The following GPC5 variants were observed in gnomAD, a reference collection of about 807,000 sequenced individuals.
The protein encoded by GPC5 is glypican 5.
Under a neutral mutation model 53.9 loss-of-function variants are expected in GPC5, and 47 were observed. The ratio of observed to expected loss-of-function variants is 0.87; its 90% CI spans 0.69 to 1.11. The LOEUF (loss-of-function observed/expected upper bound fraction) is 1.11, where lower values mean the gene tolerates loss of function less well. Among genes scored for constraint, GPC5 ranks in the 50% most tolerant of loss-of-function variants. The pLI is 0.00. For missense variants in GPC5, 748 were observed against 713.1 expected, an observed-to-expected ratio of 1.05 and a Z score of -0.56; for synonymous variants, 286 against 263.3, an observed-to-expected ratio of 1.09 and a Z score of -0.84.
intron 7 of GPC5, among the ~76,000 whole-genome samples, chr13:92,183,374 T>C (rs9560961): frequency 1.3e-5 from 2 of 152,136 alleles, no homozygotes; most frequent in African/African-American, 4.8e-5. Flanking sequence ...TTTTTCTTTT[T>C]TTTATGTAGA....
At chr13:91,787,202 A>G (rs2037893815) in intron 5 of GPC5, among the ~76,000 whole-genome samples, 1 of 152,102 alleles carries the variant, frequency 6.6e-6, no homozygotes, top group East Asian at 1.9e-4. Flanking sequence ...TATTCTTGCT[A>G]TTTTGAACTG....
intron 6 of GPC5, among the ~76,000 whole-genome samples, chr13:91,909,240 C>T (rs2039586419): frequency 6.6e-6 from 1 of 152,194 alleles, no homozygotes; most frequent in African/African-American, 2.4e-5. Flanking sequence ...ACCTCCCAGC[C>T]TCTGCTGAGC....
Position 91,737,373 on chromosome 13 carries a change from C to G in GPC5, c.1154+8708C>G, listed in dbSNP as rs1366071091. 3.3e-5 allele frequency among the ~76,000 whole-genome samples: 5 copies of G among 151,316 alleles called. 2 individuals are homozygous for G. The highest frequency in any genetic ancestry group is 1.2e-4 in the African/African-American group (5 of 40,684). ...CTCAGGTATCCTTTTTTAAAATTTA[C>G]TTTGAGTAATTCCCAAGAGAATACC... On this transcript the variant is annotated intron_variant, in intron 4 of 7. Coordinates refer to ENST00000377067, the MANE Select transcript of GPC5 (RefSeq NM_004466.6).
At chr13:92,691,995 A>G (rs1197609147) in intron 7 of GPC5, among the ~76,000 whole-genome samples, 5 of 152,096 alleles carry the variant, frequency 3.3e-5, no homozygotes, top group Admixed American at 3.3e-4. Context: ...CATAATATGG[A>G]ACAGTTAATT....
At chr13:92,863,590 T>G (rs761638655) in intron 7 of GPC5, among the ~76,000 whole-genome samples, 1 of 152,078 alleles carries the variant, frequency 6.6e-6, no homozygotes, top group Non-Finnish European at 1.5e-5. Flanking sequence ...ACCTCCCGAG[T>G]TCAAGTGATT....
rs151213211 is a variant in GPC5 at position 92,243,630 on chromosome 13, T to C, written c.1561+98641T>C. Among the ~76,000 whole-genome samples, 66 of 152,312 alleles carry C rather than the reference T, an allele frequency of 4.3e-4. No homozygotes were observed. The East Asian group carries it at 8.9e-3, about 20-fold the overall frequency. On this transcript the variant is annotated intron_variant, in intron 7 of 7. Coordinates refer to ENST00000377067, the MANE Select transcript of GPC5 (RefSeq NM_004466.6). ...CTTTTGTGAATGATATTGTCATTTA[T>C]TGAAGTGTAGAAATGATAGGTGTGA... is the stretch of plus-strand genomic sequence containing the variant.
chr13:91,952,736 A>G (rs1427016121), intron 6 of GPC5, among the ~76,000 whole-genome samples: 1 of 152,146 alleles, frequency 6.6e-6, no homozygotes, highest in African/African-American at 2.4e-5. Flanking sequence ...CATTCAAGAA[A>G]AAAAATACGT....
chr13:92,684,723 G>T (rs1224065305), intron 7 of GPC5, among the ~76,000 whole-genome samples: 1 of 152,132 alleles, frequency 6.6e-6, no homozygotes, highest in East Asian at 1.9e-4. Context: ...TGTTTTGTGG[G>T]GCATAAGTTT....
chr13:92,167,415 A>G (rs75224668), intron 7 of GPC5, among the ~76,000 whole-genome samples: 1,908 of 152,330 alleles, frequency 0.013, 33 homozygotes, highest in African/African-American at 0.044. Context: ...ACAGGGTTTT[A>G]AAATGAAATG....
intron 6 of GPC5, among the ~76,000 whole-genome samples, chr13:91,912,604 A>G (rs1361682239): frequency 6.6e-6 from 1 of 152,170 alleles, no homozygotes; most frequent in Non-Finnish European, 1.5e-5. Flanking sequence ...CTGACCACAC[A>G]AAACAAATAC....
chr13:92,295,782 C>T (rs927214743), intron 7 of GPC5, among the ~76,000 whole-genome samples: 1 of 152,184 alleles, frequency 6.6e-6, no homozygotes, highest in Non-Finnish European at 1.5e-5. Context: ...GCTACTCCTG[C>T]TCATTTTTGG....
intron 7 of GPC5, among the ~76,000 whole-genome samples, chr13:92,545,330 C>T (rs369362257): frequency 7.2e-5 from 11 of 152,036 alleles, no homozygotes; most frequent in South Asian, 2.1e-4. Context: ...TGTTGGACAT[C>T]TGGGTTGGTT....
rs528287253 is a variant in GPC5 at position 91,599,930 on chromosome 13, C to T, written c.326-93257C>T. ...AAGCATGTATACATAGTTAAGAGCT[C>T]AGCTTTTTTGAAACGGAGCCTTGCT... On this transcript the variant is annotated intron_variant, in intron 2 of 7. Coordinates refer to ENST00000377067, the MANE Select transcript of GPC5 (RefSeq NM_004466.6). Among the ~76,000 whole-genome samples the T allele has an allele frequency of 2.6e-5, 4 of 152,220 alleles. No individual in the cohort carries two copies. In the South Asian group the frequency reaches 6.2e-4, roughly 24 times the overall value.
chr13:91,852,165 G>A (rs1410706600), intron 5 of GPC5, among the ~76,000 whole-genome samples: 1 of 151,994 alleles, frequency 6.6e-6, no homozygotes, highest in Non-Finnish European at 1.5e-5. Flanking sequence ...TACTTTACAA[G>A]CATTAGTTGT....
chr13:92,757,345 G>A (rs1276220684), intron 7 of GPC5, among the ~76,000 whole-genome samples: 1 of 152,172 alleles, frequency 6.6e-6, no homozygotes, highest in Non-Finnish European at 1.5e-5. Context: ...ATGGATTAAA[G>A]ACTTAAATGT....
At chr13:92,012,514 A>G (rs1341600553) in intron 6 of GPC5, among the ~76,000 whole-genome samples, 1 of 152,030 alleles carries the variant, frequency 6.6e-6, no homozygotes, top group Non-Finnish European at 1.5e-5. Context: ...AGAACATAGC[A>G]CTTTTACTGA....
chr13:92,302,601 C>T (rs1172167567), intron 7 of GPC5, among the ~76,000 whole-genome samples: 1 of 152,134 alleles, frequency 6.6e-6, no homozygotes, highest in Admixed American at 6.5e-5. Context: ...GTCTATTAAG[C>T]TTATCATGAT....
At chr13:91,679,350 C>G (rs2035455816) in intron 2 of GPC5, among the ~76,000 whole-genome samples, 1 of 151,804 alleles carries the variant, frequency 6.6e-6, no homozygotes, top group South Asian at 2.1e-4. Flanking sequence ...TCCTAACATA[C>G]AAAATAAGGA....
chr13:92,442,119 C>T (rs1403840530), intron 7 of GPC5, among the ~76,000 whole-genome samples: 1 of 152,028 alleles, frequency 6.6e-6, no homozygotes, highest in Non-Finnish European at 1.5e-5. Flanking sequence ...ATTTAAAATA[C>T]CATTCTGAAA....
Sources: allele counts gnomAD v4.1 joint callset (sites outside exome capture counted in the v4.1 genomes callset), GRCh38; gene constraint gnomAD v4.1.1; transcripts MANE v1.5; gene names NCBI Gene and HGNC (gene_info 2026-07-23, HGNC 2026-07-21).